The following CEACAM21 variants were observed in gnomAD, a reference collection of about 807,000 sequenced individuals.
CEACAM21 encodes the protein cell adhesion molecule CEACAM21.
In CEACAM21, 38 loss-of-function variants were observed where a neutral mutation model predicts 33.2. The observed-to-expected ratio is 1.14, with a 90% CI of 0.88 to 1.50. CEACAM21 has a LOEUF of 1.50. Ranked by LOEUF, CEACAM21 falls within the 40% of genes most tolerant of loss-of-function variation. The pLI is 0.00. For missense variants in CEACAM21, 385 were observed against 364.6 expected (o/e 1.06, Z -0.46); for synonymous variants, 156 against 143.0 (o/e 1.09, Z -0.65).
chr19:41,553,666 T>C (rs937203778), intron 1 of CEACAM21: 5 of 152,048 alleles, frequency 3.3e-5, no homozygotes, highest in Admixed American at 1.3e-4. Context: ...AACTTGGGAT[T>C]CCTGACCTGT....
rs115894932 is a variant in CEACAM21 at position 41,579,312 on chromosome 19, C to T, written c.425-41C>T. ...GACTCTGAGATCTCTGAGGATGCAG[C>T]ATGGCCCCAAGACACTTTCTGTTGG... On this transcript the variant is annotated intron_variant, in intron 2 of 6. Transcript: ENST00000401445. 1.0e-4 allele frequency: 162 copies of T among 1,613,956 alleles called. 1 individual carries two copies. The African/African-American group carries it at 1.8e-3, about 18-fold the overall frequency.
chr19:41,578,577 G>A (rs191495531), intron 2 of CEACAM21, among the ~76,000 whole-genome samples: 40 of 152,334 alleles, frequency 2.6e-4, no homozygotes, highest in Admixed American at 2.3e-3. Context: ...CCCAGGACCA[G>A]ATGTTGGTTC....
rs115250086 is a variant in CEACAM21, at chr19:41,584,743, G to A, written c.797+300G>A. Among the ~76,000 whole-genome samples the A allele has an allele frequency of 3.0e-3, 462 of 152,254 alleles. 1 individual carries two copies. Among genetic ancestry groups the A allele is most frequent in the African/African-American group, 0.011 (447 of 41,536 alleles). ...AGGGGGGAGCGGTGCTCAATACCTG[G>A]TACCTCCCCCTGTTCACTGAATCCA... On this transcript the variant is annotated intron_variant, in intron 4 of 6. Coordinates refer to ENST00000401445, the MANE Select transcript of CEACAM21 (RefSeq NM_001098506.4).
At chr19:41,577,702 A>AG in intron 2 of CEACAM21, 143 bp downstream of exon 2, 1 of 1,188,178 alleles carries the variant, frequency 8.4e-7, no homozygotes, top group Non-Finnish European at 1.2e-6. Context: ...GGACACACCC[A>AG]GGGGAGACAA....
At chr19:41,584,798 G>GA (rs2070599002) in intron 4 of CEACAM21, among the ~76,000 whole-genome samples, 1 of 152,166 alleles carries the variant, frequency 6.6e-6, no homozygotes. Flanking sequence ...TCTGAGGGGG[G>GA]ATCCTGGGCA....
At chr19:41,580,266 A>T (rs1296074817) in intron 3 of CEACAM21, among the ~76,000 whole-genome samples, 1 of 152,148 alleles carries the variant, frequency 6.6e-6, no homozygotes, top group African/African-American at 2.4e-5. Context: ...CTCACTCCAC[A>T]ATAACAATCA....
intron 1 of CEACAM21, chr19:41,551,104 A>G (rs545821338): frequency 6.6e-6 from 1 of 151,936 alleles, no homozygotes; most frequent in Non-Finnish European, 1.5e-5. Flanking sequence ...CTTTTGATAA[A>G]TAAAATATTG....
chr19:41,582,158 T>G (rs1357919942), intron 3 of CEACAM21, among the ~76,000 whole-genome samples: 1 of 152,154 alleles, frequency 6.6e-6, no homozygotes, highest in Non-Finnish European at 1.5e-5. Flanking sequence ...AAGCCCAAAA[T>G]CCAGCAGGGC....
At chr19:41,581,308 C>T (rs775735790) in intron 3 of CEACAM21, among the ~76,000 whole-genome samples, 27 of 152,212 alleles carry the variant, frequency 1.8e-4, no homozygotes, top group Non-Finnish European at 2.4e-4. Flanking sequence ...TCCTTTAATT[C>T]GGCCCATCCC....
chr19:41,562,633 A>G (rs2041960425), intron 1 of CEACAM21, among the ~76,000 whole-genome samples: 1 of 152,250 alleles, frequency 6.6e-6, no homozygotes, highest in South Asian at 2.1e-4. Flanking sequence ...TAAAAATGCA[A>G]AAACTACAGC....
chr19:41,550,858 A>AT (rs1405297864), intron 1 of CEACAM21, among the ~76,000 whole-genome samples: 2 of 152,112 alleles, frequency 1.3e-5, no homozygotes, highest in African/African-American at 2.4e-5. Context: ...ATTTACTATC[A>AT]TTTTTTCTAC....
upstream of CEACAM21, among the ~76,000 whole-genome samples, chr19:41,574,107 G>T (rs1403617441): frequency 2.0e-5 from 3 of 152,198 alleles, no homozygotes; most frequent in African/African-American, 7.2e-5. Context: ...AAGAATGGTA[G>T]CCTCTTCATA....
rs782019595 is a variant in CEACAM21, at chr19:41,580,816, TG to T, written c.700+1190del. ...AATCATTGGCCATTAATTGATTCATTGGTCATTGGTGATTAATTCAAACTCC... is the reference window on the plus strand; with the variant it reads ...AATCATTGGCCATTAATTGATTCATTGTCATTGGTGATTAATTCAAACTCC... On this transcript the variant is annotated intron_variant, in intron 3 of 6. Coordinates refer to ENST00000401445, the MANE Select transcript of CEACAM21 (RefSeq NM_001098506.4). 5.3e-5 allele frequency among the ~76,000 whole-genome samples: 8 copies of T among 152,342 alleles called. No homozygotes were observed. The East Asian group carries it at 1.4e-3, about 26-fold the overall frequency.
At chr19:41,563,460 T>A (rs2042033079) in intron 1 of CEACAM21, among the ~76,000 whole-genome samples, 1 of 152,162 alleles carries the variant, frequency 6.6e-6, no homozygotes, top group African/African-American at 2.4e-5. Flanking sequence ...TGTAACCCCA[T>A]CGGGGTGTGG....
At chr19:41,562,691 C>T (rs1226047423) in intron 1 of CEACAM21, among the ~76,000 whole-genome samples, 2 of 148,424 alleles carry the variant, frequency 1.3e-5, no homozygotes, top group Admixed American at 6.7e-5. Context: ...TAATTTTGAC[C>T]GAAAAAAAAA....
chr19:41,562,853 C>A (rs1281844134), intron 1 of CEACAM21, among the ~76,000 whole-genome samples: 2 of 152,080 alleles, frequency 1.3e-5, no homozygotes, highest in Non-Finnish European at 2.9e-5. Context: ...CTCAGCCTCC[C>A]AAGTAGCTGG....
chr19:41,581,542 G>A (rs1445482484), intron 3 of CEACAM21, among the ~76,000 whole-genome samples: 2 of 152,098 alleles, frequency 1.3e-5, no homozygotes, highest in African/African-American at 4.8e-5. Context: ...AGCTGGTCTT[G>A]GCTGCTGATA....
chr19:41,561,701 G>A (rs920979274), intron 1 of CEACAM21, among the ~76,000 whole-genome samples: 10 of 152,178 alleles, frequency 6.6e-5, no homozygotes, highest in African/African-American at 1.9e-4. Flanking sequence ...TTAAGACAGC[G>A]TGCTATTGGT....
chr19:41,579,542 G>A lies in CEACAM21; in HGVS notation c.614G>A (p.Arg205Lys). 9 of 1,612,258 alleles carry A rather than the reference G, an allele frequency of 5.6e-6. No homozygotes were observed. The highest frequency in any genetic ancestry group is 7.6e-6 in the Non-Finnish European group (9 of 1,179,016). Residue 205 changes from arginine to lysine, a missense_variant, in exon 3 of 7, where the codon AGG becomes AAG. Coordinates refer to ENST00000401445, the MANE Select transcript of CEACAM21 (RefSeq NM_001098506.4). ...FNHVLTIDPI[R>K]QEDAGEYQCE... ...CATGTGCTCACCATAGACCCCATCAGGCAGGAGGACGCTGGGGAGTATCAG... is the reference window on the plus strand; with the variant it reads ...CATGTGCTCACCATAGACCCCATCAAGCAGGAGGACGCTGGGGAGTATCAG...
Sources: gnomAD v4.1 joint callset for allele counts (sites outside exome capture counted in the v4.1 genomes callset) on GRCh38, gnomAD v4.1.1 for gene constraint, MANE v1.5 for transcripts, NCBI Gene and HGNC (gene_info 2026-07-23, HGNC 2026-07-21) for gene names.